PTPRD: variants seen among roughly 807,000 people sequenced by gnomAD.
PTPRD encodes the protein protein tyrosine phosphatase receptor type D.
In PTPRD, 34 loss-of-function variants were observed where a neutral mutation model predicts 214.5. That is an observed-to-expected ratio of 0.16 (90% CI 0.12 to 0.21). PTPRD has a LOEUF of 0.21. Among genes scored for constraint, PTPRD ranks in the 10% least tolerant of loss-of-function variants. The pLI is 1.00. For missense variants in PTPRD, 2,545 were observed against 2,398.7 expected, an observed-to-expected ratio of 1.06 and a Z score of -1.27; for synonymous variants, 1,128 against 845.7, an observed-to-expected ratio of 1.33 and a Z score of -5.79.
intron 2 of PTPRD, among the ~76,000 whole-genome samples, chr9:10,460,485 A>G (rs1315134074): frequency 2.6e-5 from 4 of 152,162 alleles, no homozygotes; most frequent in Admixed American, 2.6e-4. Flanking sequence ...TATATTACAA[A>G]GCTATAGCAA....
chr9:10,153,080 T>C (rs1325982621), intron 3 of PTPRD, among the ~76,000 whole-genome samples: 1 of 152,174 alleles, frequency 6.6e-6, no homozygotes, highest in Non-Finnish European at 1.5e-5. Flanking sequence ...AAATAAGTTC[T>C]GGACATCTAT....
chr9:10,494,133 A>G (rs1463615510), intron 2 of PTPRD, among the ~76,000 whole-genome samples: 2 of 151,880 alleles, frequency 1.3e-5, no homozygotes, highest in African/African-American at 4.8e-5. Flanking sequence ...TTTTCAATAT[A>G]TTTACATAAT....
At chr9:8,443,702 T>A (rs1285019926) in intron 34 of PTPRD, among the ~76,000 whole-genome samples, 1 of 152,122 alleles carries the variant, frequency 6.6e-6, no homozygotes, top group Non-Finnish European at 1.5e-5. Flanking sequence ...GGAGGAGGTA[T>A]GAACAGGGAC....
At chr9:10,130,445 C>T (rs927238040) in intron 3 of PTPRD, among the ~76,000 whole-genome samples, 1 of 151,984 alleles carries the variant, frequency 6.6e-6, no homozygotes, top group Non-Finnish European at 1.5e-5. Context: ...GATAATGATG[C>T]CATATCTATA....
At chr9:9,822,389 G>A (rs927604700) in intron 5 of PTPRD, among the ~76,000 whole-genome samples, 2 of 149,856 alleles carry the variant, frequency 1.3e-5, no homozygotes, top group African/African-American at 4.9e-5. Context: ...CCAGCCTGGT[G>A]ACAGAGCAGG....
chr9:9,902,924 C>T (rs974215932), intron 5 of PTPRD, among the ~76,000 whole-genome samples: 2 of 152,064 alleles, frequency 1.3e-5, no homozygotes, highest in East Asian at 3.9e-4. Context: ...AAAAGTGTGA[C>T]GTTGGCTAAC....
chr9:10,024,613 TTA>T (rs2096885063), intron 4 of PTPRD, among the ~76,000 whole-genome samples: 1 of 152,032 alleles, frequency 6.6e-6, no homozygotes, highest in African/African-American at 2.4e-5. Flanking sequence ...TTTAGAAATT[TTA>T]TGATTCTTTT....
rs182988399 is a variant in PTPRD, at chr9:10,444,254, C to T, written c.-599-103237G>A. On this transcript the variant is annotated intron_variant, in intron 2 of 45. Transcript: ENST00000381196. ...AAATATTTTATTCTATGATGTTTAA[C>T]GTATATGCAATTTAGGTGCTTTCAA... is the stretch of plus-strand genomic sequence containing the variant. Among the ~76,000 whole-genome samples the T allele has an allele frequency of 2.2e-3, 327 of 151,714 alleles. 1 individual carries two copies. The highest frequency in any genetic ancestry group is 6.9e-3 in the African/African-American group (284 of 41,448).
chr9:9,651,861 G>C (rs1206510888), intron 7 of PTPRD, among the ~76,000 whole-genome samples: 8 of 112,998 alleles, frequency 7.1e-5, no homozygotes, highest in African/African-American at 2.8e-4. Context: ...TTTTAATGGA[G>C]TCTCGCTCTG....
intron 39 of PTPRD, among the ~76,000 whole-genome samples, chr9:8,346,171 C>A (rs569814400): frequency 6.7e-6 from 1 of 148,626 alleles, no homozygotes; most frequent in Non-Finnish European, 1.5e-5. Context: ...GCCTCTTACC[C>A]TGCAAAATAA....
chr9:8,743,797 C>CAATAATAAT lies in PTPRD; in HGVS notation c.-103-9860_-103-9852dup, dbSNP rs138293869. 3.9e-3 allele frequency among the ~76,000 whole-genome samples: 539 copies of CAATAATAAT among 138,310 alleles called. 1 individual carries two copies. Among genetic ancestry groups the CAATAATAAT allele is most frequent in the African/African-American group, 0.013 (442 of 33,942 alleles). 90.7% of individuals were successfully genotyped at this position (138,310 alleles called of 152,430 possible). A position where few individuals can be genotyped will look rare whatever the true frequency, so the allele number is the denominator to read the frequency against. Reference sequence around the variant, plus strand: ...AAAGCTTCTGCACAGCAAAAAATAACAATAATAATAATAATAATAATAATA... The same window carrying CAATAATAAT: ...AAAGCTTCTGCACAGCAAAAAATAACAATAATAATAATAATAATAATAATAATAATAATA... On this transcript the variant is annotated intron_variant, in intron 11 of 45. Coordinates refer to ENST00000381196, the MANE Select transcript of PTPRD (RefSeq NM_002839.4).
chr9:9,179,307 G>C (rs1320284441), intron 10 of PTPRD, among the ~76,000 whole-genome samples: 1 of 151,978 alleles, frequency 6.6e-6, no homozygotes, highest in Non-Finnish European at 1.5e-5. Flanking sequence ...AATAAGCAAA[G>C]CATTTGGCTA....
intron 8 of PTPRD, among the ~76,000 whole-genome samples, chr9:9,462,044 G>A (rs2093706671): frequency 6.6e-6 from 1 of 151,834 alleles, no homozygotes; most frequent in Non-Finnish European, 1.5e-5. Context: ...CTCTATTTTT[G>A]TCTTCCTGAT....
intron 30 of PTPRD, among the ~76,000 whole-genome samples, chr9:8,473,265 A>G (rs906828710): frequency 2.0e-5 from 3 of 152,116 alleles, no homozygotes; most frequent in African/African-American, 7.2e-5. Flanking sequence ...ACTACAAACA[A>G]TCATAATGAT....
intron 3 of PTPRD, among the ~76,000 whole-genome samples, chr9:10,109,012 C>T (rs185580069): frequency 2.6e-5 from 4 of 152,102 alleles, no homozygotes; most frequent in African/African-American, 4.8e-5. Context: ...ATCATTTGCA[C>T]GTTCACACTT....
intron 10 of PTPRD, among the ~76,000 whole-genome samples, chr9:9,049,278 A>T (rs2099679972): frequency 6.6e-6 from 1 of 152,200 alleles, no homozygotes; most frequent in South Asian, 2.1e-4. Flanking sequence ...TTATCAAGTC[A>T]TTTCTGTAAG....
intron 2 of PTPRD, among the ~76,000 whole-genome samples, chr9:10,466,346 G>A (rs549153936): frequency 7.2e-5 from 11 of 152,004 alleles, no homozygotes; most frequent in East Asian, 1.9e-4. Flanking sequence ...ATTTTATGCC[G>A]GGTGCGGTGG....
rs142699434 is a variant in PTPRD, at chr9:9,488,566, T to C, written c.-237+86166A>G. Among the ~76,000 whole-genome samples the C allele has an allele frequency of 3.7e-4, 56 of 152,254 alleles. 1 individual carries two copies. The East Asian group carries it at 8.9e-3, about 24-fold the overall frequency. On this transcript the variant is annotated intron_variant, in intron 8 of 45. Coordinates refer to ENST00000381196, the MANE Select transcript of PTPRD (RefSeq NM_002839.4). ...CCGTCCCATTAGATTTTTAACTAAA[T>C]AAAAATAAGGCTATTATTTTTAAAG...
chr9:9,689,718 T>C (rs1037147667), intron 7 of PTPRD, among the ~76,000 whole-genome samples: 10 of 151,890 alleles, frequency 6.6e-5, no homozygotes, highest in African/African-American at 1.2e-4. Context: ...TAAGTTCCCA[T>C]ATATGAGGAA....
Sources: allele counts gnomAD v4.1 joint callset (sites outside exome capture counted in the v4.1 genomes callset), GRCh38; gene constraint gnomAD v4.1.1; transcripts MANE v1.5; gene names NCBI Gene and HGNC (gene_info 2026-07-23, HGNC 2026-07-21).